SNRPD2: variants seen among roughly 807,000 people sequenced by gnomAD.
SNRPD2 encodes the protein small nuclear ribonucleoprotein Sm D2.
SNRPD2 carries 1 observed loss-of-function variant against 11.5 expected under a neutral mutation model. The ratio of observed to expected loss-of-function variants is 0.09; its 90% CI spans 0.03 to 0.41. SNRPD2 has a LOEUF of 0.41. Among genes scored for constraint, SNRPD2 ranks in the 10% least tolerant of loss-of-function variants. The pLI is 0.98. For missense variants in SNRPD2, 77 were observed against 154.9 expected, an observed-to-expected ratio of 0.50 and a Z score of 2.67; for synonymous variants, 63 against 61.5, an observed-to-expected ratio of 1.02 and a Z score of -0.12.
chr19:45,692,035 A>G, upstream of SNRPD2: 1 of 1,591,762 alleles, frequency 6.3e-7, no homozygotes, highest in South Asian at 1.1e-5. Flanking sequence ...GCCTGTTGCC[A>G]CAGCATTCCC....
intron 1 of SNRPD2, chr19:45,689,400 G>T (rs1277031223): frequency 2.5e-6 from 1 of 403,364 alleles, no homozygotes; most frequent in African/African-American, 2.1e-5. Flanking sequence ...GGGTACAGTG[G>T]CTCATGCCTG....
In SNRPD2 at chr19:45,688,955, G is replaced by A. The variant is rs1359753698; in HGVS notation, c.3-389C>T. On this transcript the variant is annotated intron_variant, in intron 1 of 2. Coordinates refer to ENST00000342669, the MANE Select transcript of SNRPD2 (RefSeq NM_001384647.1). The surrounding 1 kb of genome is among the most constrained non-coding windows in gnomAD (Gnocchi z 4.1). ...TCACCATGTTGGCCAGGATGGTCTT[G>A]ATTTCTTGACCTTGTGATCCACCCG... Among the ~76,000 whole-genome samples the A allele has an allele frequency of 6.6e-6, 1 of 151,944 alleles. No homozygotes were observed. The highest frequency in any genetic ancestry group is 1.5e-5 in the Non-Finnish European group (1 of 67,988).
rs746900065 is a variant in SNRPD2 at position 45,688,350 on chromosome 19, G to A, written c.182+37C>T. 6 of 1,598,406 alleles carry A rather than the reference G, an allele frequency of 3.8e-6. No homozygotes were observed. In the South Asian group the frequency reaches 6.6e-5, roughly 18 times the overall value. On this transcript the variant is annotated intron_variant, in intron 2 of 2. Coordinates refer to ENST00000342669, the MANE Select transcript of SNRPD2 (RefSeq NM_001384647.1). The surrounding 1 kb of genome is among the most constrained non-coding windows in gnomAD (Gnocchi z 4.1). ...GACTGGAGCTGGAGTGGCCTCTCCAGGCCTGCGGAGAACACCTCCCAGGAC... is the reference window on the plus strand; with the variant it reads ...GACTGGAGCTGGAGTGGCCTCTCCAAGCCTGCGGAGAACACCTCCCAGGAC...
rs371781373 is a variant in SNRPD2 at position 45,687,758 on chromosome 19, G to A, written c.183-31C>T. ...GGGGAACAGGGAGGGGAGGCACTGG[G>A]CGTGAGGGGCGTGCCTCTGACAGTG... On this transcript the variant is annotated intron_variant, in intron 2 of 2. Transcript: ENST00000342669. The surrounding 1 kb of genome is among the most constrained non-coding windows in gnomAD (Gnocchi z 4.1). The A allele has an allele frequency of 6.4e-7, 1 of 1,569,608 alleles. No homozygotes were observed. The highest frequency in any genetic ancestry group is 8.8e-7 in the Non-Finnish European group (1 of 1,142,782).
Position 45,688,413 on chromosome 19 carries a change from G to A in SNRPD2, c.156C>T (p.Leu52=), listed in dbSNP as rs753050342. 63 of 1,614,094 alleles carry A rather than the reference G, an allele frequency of 3.9e-5. No homozygotes were observed. Among genetic ancestry groups the A allele is most frequent in the Non-Finnish European group, 5.0e-5 (59 of 1,180,052 alleles). The change falls in exon 2 of 3, where the codon CTC becomes CTT. Residue 52 remains leucine, a synonymous_variant. Coordinates refer to ENST00000342669, the MANE Select transcript of SNRPD2 (RefSeq NM_001384647.1). The surrounding 1 kb of genome is among the most constrained non-coding windows in gnomAD (Gnocchi z 4.1). The stretch of plus-strand genomic sequence containing the variant: ...TATCGAAGGCCTTCACGCGGCCCAG[G>A]AGTTTCTTATTGTTGCGGCAGTTGA... The part of the protein sequence containing the change: ...VLINCRNNKK[L]LGRVKAFDRH...
rs1301527443 is a variant in SNRPD2 at position 45,688,432 on chromosome 19, C to A, written c.137G>T (p.Cys46Phe). The A allele has an allele frequency of 6.2e-7, 1 of 1,614,200 alleles. No homozygotes were observed. Among genetic ancestry groups the A allele is most frequent in the Non-Finnish European group, 8.5e-7 (1 of 1,180,034 alleles). ...VKNNTQVLIN[C>F]RNNKKLLGRV... is the part of the protein sequence containing the mutation. ...GCCCAGGAGTTTCTTATTGTTGCGGCAGTTGATGAGCACTTGGGTATTGTT... is the reference window on the plus strand; with the variant it reads ...GCCCAGGAGTTTCTTATTGTTGCGGAAGTTGATGAGCACTTGGGTATTGTT... The change falls in exon 2 of 3, where the codon TGC becomes TTC. Residue 46 changes from cysteine (C) to phenylalanine (F), a missense_variant. Cys to Phe is a radical substitution (Grantham distance 205, BLOSUM62 -2). Coordinates refer to ENST00000342669, the MANE Select transcript of SNRPD2 (RefSeq NM_001384647.1). This position sits in a 1 kb window ranked among gnomAD's most constrained non-coding sequence, Gnocchi z 4.1.
At position 45,687,519 on chromosome 19, in the gene SNRPD2, AGAG is replaced by A. The variant is rs1967439843; in HGVS notation, c.*31_*33del. On this transcript the variant is annotated 3_prime_UTR_variant, in exon 3 of 3. Coordinates refer to ENST00000342669, the MANE Select transcript of SNRPD2 (RefSeq NM_001384647.1). This position sits in a 1 kb window ranked among gnomAD's most constrained non-coding sequence, Gnocchi z 4.1. ...CCAATGGCAGCGGTCTTCATAGGAC[AGAG>A]GAGTGAGTTCTGTCAACAGACAGGC... is the stretch of plus-strand genomic sequence containing the variant. The A allele has an allele frequency of 6.2e-7, 1 of 1,602,158 alleles. No individual in the cohort carries two copies. The highest frequency in any genetic ancestry group is 8.5e-7 in the Non-Finnish European group (1 of 1,169,662).
chr19:45,687,557 T>A lies in SNRPD2; in HGVS notation c.353A>T (p.Lys118Met). Residue 118 changes from lysine to methionine, a missense_variant, in exon 3 of 3, where the codon AAG becomes ATG. Transcript: ENST00000342669. The surrounding 1 kb of genome is among the most constrained non-coding windows in gnomAD (Gnocchi z 4.1). ...VVLRNPLIAGK is the reference protein window; with the variant it reads ...VVLRNPLIAGM ...CTGTCAACAGACAGGCGGCCCCTACTTGCCGGCGATGAGCGGGTTCCGCAG... is the reference window on the plus strand; with the variant it reads ...CTGTCAACAGACAGGCGGCCCCTACATGCCGGCGATGAGCGGGTTCCGCAG... The A allele has an allele frequency of 3.1e-6, 5 of 1,614,110 alleles. No individual in the cohort carries two copies. Among genetic ancestry groups the A allele is most frequent in the Non-Finnish European group, 4.2e-6 (5 of 1,179,940 alleles).
At chr19:45,691,663 G>C in intron 1 of SNRPD2, 1 of 613,134 alleles carries the variant, frequency 1.6e-6, no homozygotes, top group Non-Finnish European at 2.9e-6. Flanking sequence ...GAGCCCCCGC[G>C]CCCAGCCCAG....
In SNRPD2 at chr19:45,687,805, C is replaced by T; in HGVS notation, c.183-78G>A. Reference sequence around the variant, plus strand: ...AGTGCCCCCTACTGCCTGCTGCTCGCCCCCTCCAGCAGCATGGCTTGGGGA... The same window carrying T: ...AGTGCCCCCTACTGCCTGCTGCTCGTCCCCTCCAGCAGCATGGCTTGGGGA... On this transcript the variant is annotated intron_variant, in intron 2 of 2. Coordinates refer to ENST00000342669, the MANE Select transcript of SNRPD2 (RefSeq NM_001384647.1). The surrounding 1 kb of genome is among the most constrained non-coding windows in gnomAD (Gnocchi z 4.1). The T allele has an allele frequency of 8.4e-7, 1 of 1,186,304 alleles. No individual in the cohort carries two copies. The highest frequency in any genetic ancestry group is 1.2e-6 in the Non-Finnish European group (1 of 811,886). The allele number at this position is 1,186,304 out of a possible 1,614,324, so 73.5% of individuals were successfully genotyped here.
At chr19:45,690,398 G>A (rs1967507471) in intron 1 of SNRPD2, among the ~76,000 whole-genome samples, 3 of 151,042 alleles carry the variant, frequency 2.0e-5, no homozygotes. Flanking sequence ...CTACTTTGAA[G>A]GCTGAGGCAG....
At position 45,688,431 on chromosome 19, in the gene SNRPD2, G is replaced by A. The variant is rs200086836; in HGVS notation, c.138C>T (p.Cys46=). 3.6e-4 allele frequency: 581 copies of A among 1,614,206 alleles called. 4 individuals carry two copies. The South Asian group carries it at 5.0e-3, about 14-fold the overall frequency. The change falls in exon 2 of 3, where the codon TGC becomes TGT. Residue 46 remains cysteine, a synonymous_variant. Coordinates refer to ENST00000342669, the MANE Select transcript of SNRPD2 (RefSeq NM_001384647.1). This position sits in a 1 kb window ranked among gnomAD's most constrained non-coding sequence, Gnocchi z 4.1. ...GGCCCAGGAGTTTCTTATTGTTGCG[G>A]CAGTTGATGAGCACTTGGGTATTGT... is the stretch of plus-strand genomic sequence containing the variant. ...VKNNTQVLIN[C]RNNKKLLGRV...
intron 1 of SNRPD2, chr19:45,691,579 C>T (rs1967554795): frequency 5.2e-6 from 2 of 383,424 alleles, no homozygotes; most frequent in Non-Finnish European, 9.6e-6. Flanking sequence ...GCTATGTTGC[C>T]TAGGCTAGTC....
chr19:45,691,810 C>T lies in SNRPD2; in HGVS notation c.2+77G>A, dbSNP rs964782132. On this transcript the variant is annotated intron_variant, in intron 1 of 2. Transcript: ENST00000342669. ...CTGCCCCTGCCCCCCCCGCTCTGCT[C>T]AACCCTTCCCACACTCAATCGGTCA... 3.2e-6 allele frequency: 5 copies of T among 1,564,272 alleles called. No individual in the cohort carries two copies. In the African/African-American group the frequency reaches 6.8e-5, roughly 21 times the overall value.
chr19:45,688,614 G>C lies in SNRPD2; in HGVS notation c.3-48C>G. ...AATAAGTGAGAGAGGCTGGAGTTGA[G>C]AGGCTGGAGCTGTGAGGATGGGTGA... On this transcript the variant is annotated intron_variant, in intron 1 of 2. Transcript: ENST00000342669. This position sits in a 1 kb window ranked among gnomAD's most constrained non-coding sequence, Gnocchi z 4.1. 6.6e-7 allele frequency: 1 copy of C among 1,510,452 alleles called. No homozygotes were observed. Among genetic ancestry groups the C allele is most frequent in the Non-Finnish European group, 9.2e-7 (1 of 1,087,434 alleles). The allele number at this position is 1,510,452 out of a possible 1,614,324, so 93.6% of individuals were successfully genotyped here.
chr19:45,692,063 GA>G, upstream of SNRPD2: 1 of 1,542,938 alleles, frequency 6.5e-7, no homozygotes, highest in Non-Finnish European at 8.7e-7. Context: ...GGTGCACAAT[GA>G]TGGAATAAAA....
rs1967450953 is a variant in SNRPD2, at chr19:45,687,898, T to C, written c.183-171A>G. 1 of 613,192 alleles carries C rather than the reference T, an allele frequency of 1.6e-6. No homozygotes were observed. Among genetic ancestry groups the C allele is most frequent in the African/African-American group, 1.8e-5 (1 of 54,170 alleles). 38.0% of individuals were successfully genotyped at this position (613,192 alleles called of 1,614,324 possible). A position where few individuals can be genotyped will look rare whatever the true frequency, so the allele number is the denominator to read the frequency against. On this transcript the variant is annotated intron_variant, in intron 2 of 2. Transcript: ENST00000342669. The surrounding 1 kb of genome is among the most constrained non-coding windows in gnomAD (Gnocchi z 4.1). ...ACTCTGCCAGTCCTTAGGTTGAGGC[T>C]GAGGCAAAGGACTGCACCTCTCTGT...
In SNRPD2 at chr19:45,687,772, CCT is replaced by C. The variant is rs1297372511; in HGVS notation, c.183-47_183-46del. ...GGAGGCACTGGGCGTGAGGGGCGTG[CCT>C]CTGACAGTGCCCCCTACTGCCTGCT... On this transcript the variant is annotated intron_variant, in intron 2 of 2. Coordinates refer to ENST00000342669, the MANE Select transcript of SNRPD2 (RefSeq NM_001384647.1). The surrounding 1 kb of genome is among the most constrained non-coding windows in gnomAD (Gnocchi z 4.1). 1.3e-6 allele frequency: 2 copies of C among 1,498,326 alleles called. No homozygotes were observed. The highest frequency in any genetic ancestry group is 2.3e-5 in the South Asian group (2 of 88,108). 92.8% of individuals were successfully genotyped at this position (1,498,326 alleles called of 1,614,324 possible).
upstream of SNRPD2, chr19:45,692,300 CT>C (rs1213446544): frequency 2.7e-6 from 1 of 371,488 alleles, no homozygotes; most frequent in Non-Finnish European, 5.1e-6. Flanking sequence ...CACCGCCCCT[CT>C]TCCCTCTGGG....
Sources: allele counts gnomAD v4.1 joint callset (sites outside exome capture counted in the v4.1 genomes callset), GRCh38; gene constraint gnomAD v4.1.1; non-coding constraint Gnocchi (gnomAD v3.1); transcripts MANE v1.5; gene names NCBI Gene and HGNC (gene_info 2026-07-23, HGNC 2026-07-21).